The following CXCL11 variants were observed in gnomAD, a reference collection of about 807,000 sequenced individuals.
The protein encoded by CXCL11 is C-X-C motif chemokine 11.
In CXCL11, 7 loss-of-function variants were observed where a neutral mutation model predicts 9.7. That is an observed-to-expected ratio of 0.72 (90% CI 0.41 to 1.36). CXCL11 has a LOEUF of 1.36. CXCL11 is among the 40% of genes most tolerant of loss of function. The pLI is 0.01. For synonymous variants in CXCL11, 35 were observed against 34.4 expected, an observed-to-expected ratio of 1.02 and a Z score of -0.06; for missense variants, 107 against 113.4, an observed-to-expected ratio of 0.94 and a Z score of 0.26.
In CXCL11 at chr4:76,034,556, G is replaced by T; in HGVS notation, c.*237C>A. 7.8e-6 allele frequency: 4 copies of T among 514,792 alleles called. No individual in the cohort carries two copies. Among genetic ancestry groups the T allele is most frequent in the South Asian group, 3.3e-5 (1 of 29,966 alleles). The allele number at this position is 514,792 out of a possible 1,614,324, so 31.9% of individuals were successfully genotyped here. On this transcript the variant is annotated 3_prime_UTR_variant, in exon 4 of 4. Coordinates refer to ENST00000306621, the MANE Select transcript of CXCL11 (RefSeq NM_005409.5). ...TTCCTAGAAATCCATTTAATTGTTG[G>T]ACTCCTTTGGGCAGTGGAATTCTGA... is the stretch of plus-strand genomic sequence containing the variant.
At position 76,035,073 on chromosome 4, in the gene CXCL11, AT is replaced by A. The variant is rs1332316589; in HGVS notation, c.234del (p.Lys78AsnfsTer8). 1.9e-6 allele frequency: 3 copies of A among 1,613,904 alleles called. No individual in the cohort carries two copies. In the South Asian group the frequency reaches 3.3e-5, roughly 18 times the overall value. ...TTGATTATAAGCCTTGCTTGCTTCG[AT>A]TTGGGATTTAGGCATCGTTGTCCTT... is the stretch of plus-strand genomic sequence containing the variant. ...ENKGQRCLNP[K>X]SKQARLIIKK... On this transcript the variant is annotated frameshift_variant, in exon 3 of 4. Coordinates refer to ENST00000306621, the MANE Select transcript of CXCL11 (RefSeq NM_005409.5). LOFTEE classifies it high-confidence loss of function.
rs576968993 is a variant in CXCL11, at chr4:76,035,577, G to A, written c.62-235C>T. On this transcript the variant is annotated intron_variant, in intron 1 of 3. Coordinates refer to ENST00000306621, the MANE Select transcript of CXCL11 (RefSeq NM_005409.5). ...GAAGCATGAAGGAAGTTTATTGGAG[G>A]TGAAGCTTGTTTTGCCCCCTTGATT... is the stretch of plus-strand genomic sequence containing the variant. Among the ~76,000 whole-genome samples, 3 of 152,344 alleles carry A rather than the reference G, an allele frequency of 2.0e-5. No homozygotes were observed. In the East Asian group the frequency reaches 5.8e-4, roughly 29 times the overall value.
At position 76,033,749 on chromosome 4, in the gene CXCL11, T is replaced by C. The variant is rs1473141926; in HGVS notation, c.*1044A>G. ...AAATGACTTTGATTCTTTAAACTAG[T>C]CTTGAGTATACCTAAATTTTACAGT... On this transcript the variant is annotated 3_prime_UTR_variant, in exon 4 of 4. Transcript: ENST00000306621. The C allele has an allele frequency of 6.6e-6, 1 of 152,206 alleles. No individual in the cohort carries two copies. The highest frequency in any genetic ancestry group is 1.5e-5 in the Non-Finnish European group (1 of 68,040). The allele number at this position is 152,206 out of a possible 1,614,324, so 9.4% of individuals were successfully genotyped here.
rs1734081170 is a variant in CXCL11, at chr4:76,033,693, A to C, written c.*1100T>G. The C allele has an allele frequency of 6.6e-6, 1 of 152,204 alleles. No homozygotes were observed. Among genetic ancestry groups the C allele is most frequent in the South Asian group, 2.1e-4 (1 of 4,832 alleles). 9.4% of individuals were successfully genotyped at this position (152,204 alleles called of 1,614,324 possible). ...AAAGTATATAGATCTTTTTTTAAAA[A>C]AGAAAGGTTGTGGTAGTTTATTAGA... On this transcript the variant is annotated 3_prime_UTR_variant, in exon 4 of 4. Transcript: ENST00000306621.
rs745673708 is a variant in CXCL11 at position 76,035,335 on chromosome 4, G to A, written c.69C>T (p.Pro23=). 1.5e-5 allele frequency: 25 copies of A among 1,613,758 alleles called. No individual in the cohort carries two copies. Among genetic ancestry groups the A allele is most frequent in the Non-Finnish European group, 2.0e-5 (24 of 1,179,850 alleles). The part of the protein sequence containing the change: ...ILCATVVQGF[P]MFKRGRCLCI... ...AAAGACAGCGTCCTCTTTTGAACAT[G>A]GGGAAGCCTAGAATAGATCATAGCA... is the stretch of plus-strand genomic sequence containing the variant. Residue 23 remains proline, a synonymous_variant, in exon 2 of 4, where the codon CCC becomes CCT. Coordinates refer to ENST00000306621, the MANE Select transcript of CXCL11 (RefSeq NM_005409.5).
chr4:76,035,933 C>A lies in CXCL11; in HGVS notation c.55G>T (p.Val19Phe). The change falls in exon 1 of 4, where the codon GTT becomes TTT. Residue 19 changes from valine (V) to phenylalanine (F), a missense_variant. By Grantham distance (50) the Val-to-Phe change is conservative. Coordinates refer to ENST00000306621, the MANE Select transcript of CXCL11 (RefSeq NM_005409.5). ...ALAVILCATV[V>F]QGFPMFKRGR... is the part of the protein sequence containing the mutation. ...AATAAAAATTACTGCATACCTTGAA[C>A]AACTGTAGCACACAATATCACAGCC... 1 of 1,613,078 alleles carries A rather than the reference C, an allele frequency of 6.2e-7. No individual in the cohort carries two copies. Among genetic ancestry groups the A allele is most frequent in the South Asian group, 1.1e-5 (1 of 90,802 alleles).
In CXCL11 at chr4:76,034,491, T is replaced by C. The variant is rs919814411; in HGVS notation, c.*302A>G. On this transcript the variant is annotated 3_prime_UTR_variant, in exon 4 of 4. Coordinates refer to ENST00000306621, the MANE Select transcript of CXCL11 (RefSeq NM_005409.5). Reference sequence around the variant, plus strand: ...AACAAGTAAGAACGTGAAAGCACTTTGTAAACTCCGATGGTAACCAGCCTT... The same window carrying C: ...AACAAGTAAGAACGTGAAAGCACTTCGTAAACTCCGATGGTAACCAGCCTT... The C allele has an allele frequency of 1.7e-5, 9 of 518,434 alleles. No homozygotes were observed. The highest frequency in any genetic ancestry group is 1.6e-4 in the African/African-American group (8 of 49,520). The allele number at this position is 518,434 out of a possible 1,614,324, so 32.1% of individuals were successfully genotyped here. A position where few individuals can be genotyped will look rare whatever the true frequency, so the allele number is the denominator to read the frequency against.
Position 76,035,944 on chromosome 4 carries a change from C to T in CXCL11, c.44G>A (p.Cys15Tyr). 1.2e-6 allele frequency: 2 copies of T among 1,613,712 alleles called. No homozygotes were observed. Among genetic ancestry groups the T allele is most frequent in the Non-Finnish European group, 1.7e-6 (2 of 1,179,786 alleles). The change falls in exon 1 of 4, where the codon TGT (cysteine) becomes TAT (tyrosine). Residue 15 changes from cysteine to tyrosine, a missense_variant. Cys to Tyr is a radical substitution (Grantham distance 194). Transcript: ENST00000306621. ...GMAIALAVIL[C>Y]ATVVQGFPMF... is the part of the protein sequence containing the mutation. ...CTGCATACCTTGAACAACTGTAGCACACAATATCACAGCCAAGGCTATAGC... is the reference window on the plus strand; with the variant it reads ...CTGCATACCTTGAACAACTGTAGCATACAATATCACAGCCAAGGCTATAGC...
chr4:76,034,408 G>A lies in CXCL11; in HGVS notation c.*385C>T. ...ATGTTCTCATAGTCACAACAGAATA[G>A]TTGTAAGCATCAAATCTAGAAGGTT... is the stretch of plus-strand genomic sequence containing the variant. On this transcript the variant is annotated 3_prime_UTR_variant, in exon 4 of 4. Transcript: ENST00000306621. 2.1e-6 allele frequency: 1 copy of A among 469,142 alleles called. No individual in the cohort carries two copies. The highest frequency in any genetic ancestry group is 3.7e-6 in the Non-Finnish European group (1 of 272,746). The allele number at this position is 469,142 out of a possible 1,614,324, so 29.1% of individuals were successfully genotyped here.
rs1327557155 is a variant in CXCL11 at position 76,035,341 on chromosome 4, G to A, written c.63C>T (p.Gly21=). Residue 21 remains glycine, a splice_region_variant and synonymous_variant, in exon 2 of 4, where the codon GGC becomes GGT. Coordinates refer to ENST00000306621, the MANE Select transcript of CXCL11 (RefSeq NM_005409.5). ...AVILCATVVQ[G]FPMFKRGRCL... is the part of the protein sequence containing the mutation. ...AGCGTCCTCTTTTGAACATGGGGAA[G>A]CCTAGAATAGATCATAGCATTAGTT... 3 of 1,613,720 alleles carry A rather than the reference G, an allele frequency of 1.9e-6. No homozygotes were observed. Among genetic ancestry groups the A allele is most frequent in the Non-Finnish European group, 2.5e-6 (3 of 1,179,756 alleles).
At position 76,034,818 on chromosome 4, in the gene CXCL11, T is replaced by C; in HGVS notation, c.262-2A>G. The C allele has an allele frequency of 6.4e-7, 1 of 1,554,392 alleles. No individual in the cohort carries two copies. Among genetic ancestry groups the C allele is most frequent in the Non-Finnish European group, 8.8e-7 (1 of 1,130,036 alleles). On this transcript the variant is annotated splice_acceptor_variant, in intron 3 of 3. Coordinates refer to ENST00000306621, the MANE Select transcript of CXCL11 (RefSeq NM_005409.5). LOFTEE classifies it high-confidence loss of function. Reference sequence around the variant, plus strand: ...TTAAAAATTCTTTCTTTCAACTTTCTGGAATAAGAAAACAAGAGTTTTATT... The same window carrying C: ...TTAAAAATTCTTTCTTTCAACTTTCCGGAATAAGAAAACAAGAGTTTTATT...
Position 76,034,602 on chromosome 4 carries a change from C to T in CXCL11, c.*191G>A. The T allele has an allele frequency of 1.6e-6, 1 of 607,574 alleles. No individual in the cohort carries two copies. The highest frequency in any genetic ancestry group is 2.9e-6 in the Non-Finnish European group (1 of 348,398). The allele number at this position is 607,574 out of a possible 1,614,324, so 37.6% of individuals were successfully genotyped here. ...TCTGATTGTCATTCATTCAGGAAGA[C>T]TGTATTTCTGTTTTTGGTCCTTTCA... On this transcript the variant is annotated 3_prime_UTR_variant, in exon 4 of 4. Transcript: ENST00000306621.
chr4:76,035,412 G>T, intron 1 of CXCL11, 70 bp from the exon 2 acceptor site: 1 of 1,519,838 alleles, frequency 6.6e-7, no homozygotes, highest in Non-Finnish European at 9.0e-7. Context: ...TATAGCTGGT[G>T]GTGAACGTGA....
In CXCL11 at chr4:76,035,347, A is replaced by T; in HGVS notation, c.62-5T>A. ...CTCTTTTGAACATGGGGAAGCCTAG[A>T]ATAGATCATAGCATTAGTTAGTAAT... On this transcript the variant is annotated splice_polypyrimidine_tract_variant and splice_region_variant and intron_variant, in intron 1 of 3. Transcript: ENST00000306621. 4 of 1,613,538 alleles carry T rather than the reference A, an allele frequency of 2.5e-6. No homozygotes were observed. The highest frequency in any genetic ancestry group is 3.4e-6 in the Non-Finnish European group (4 of 1,179,682).
Position 76,034,396 on chromosome 4 carries a change from C to T in CXCL11, c.*397G>A, listed in dbSNP as rs1224156429. 14 of 445,862 alleles carry T rather than the reference C, an allele frequency of 3.1e-5. No homozygotes were observed. In the East Asian group the frequency reaches 4.6e-4, roughly 15 times the overall value. The allele number at this position is 445,862 out of a possible 1,614,324, so 27.6% of individuals were successfully genotyped here. A position where few individuals can be genotyped will look rare whatever the true frequency, so the allele number is the denominator to read the frequency against. On this transcript the variant is annotated 3_prime_UTR_variant, in exon 4 of 4. Transcript: ENST00000306621. Reference sequence around the variant, plus strand: ...CTAGAGACAGAAATGTTCTCATAGTCACAACAGAATAGTTGTAAGCATCAA... The same window carrying T: ...CTAGAGACAGAAATGTTCTCATAGTTACAACAGAATAGTTGTAAGCATCAA...
rs1368060490 is a variant in CXCL11, at chr4:76,034,561, C to A, written c.*232G>T. ...AGAAATCCATTTAATTGTTGGACTC[C>A]TTTGGGCAGTGGAATTCTGATTGTC... On this transcript the variant is annotated 3_prime_UTR_variant, in exon 4 of 4. Coordinates refer to ENST00000306621, the MANE Select transcript of CXCL11 (RefSeq NM_005409.5). The A allele has an allele frequency of 7.0e-6, 4 of 571,554 alleles. No homozygotes were observed. The highest frequency in any genetic ancestry group is 5.9e-5 in the African/African-American group (3 of 50,812). The allele number at this position is 571,554 out of a possible 1,614,324, so 35.4% of individuals were successfully genotyped here.
intron 3 of CXCL11, 98 bp downstream of exon 3, chr4:76,034,949 T>C (rs904772529): frequency 7.1e-5 from 98 of 1,376,778 alleles, no homozygotes; most frequent in Non-Finnish European, 9.9e-5. Context: ...CACAGGATCA[T>C]AGCAGAATCT....
intron 1 of CXCL11, 33 bp downstream of exon 1, chr4:76,035,894 C>T (rs1460107279): frequency 1.9e-6 from 3 of 1,588,718 alleles, no homozygotes; most frequent in South Asian, 1.1e-5. Flanking sequence ...AGAAAAGGAA[C>T]TTATAGGTTG....
At position 76,034,744 on chromosome 4, in the gene CXCL11, C is replaced by G; in HGVS notation, c.*49G>C. ...TTCAGTAGTCACAGTTAAACTTGTT[C>G]TAGGTTTTTCAGATGCTCTTTTCCA... On this transcript the variant is annotated 3_prime_UTR_variant, in exon 4 of 4. Transcript: ENST00000306621. 1.5e-6 allele frequency: 2 copies of G among 1,359,754 alleles called. No homozygotes were observed. Among genetic ancestry groups the G allele is most frequent in the South Asian group, 1.2e-5 (1 of 81,434 alleles). The allele number at this position is 1,359,754 out of a possible 1,614,324, so 84.2% of individuals were successfully genotyped here. A position where few individuals can be genotyped will look rare whatever the true frequency, so the allele number is the denominator to read the frequency against.
Sources: allele counts gnomAD v4.1 joint callset (sites outside exome capture counted in the v4.1 genomes callset), GRCh38; gene constraint gnomAD v4.1.1; transcripts MANE v1.5; gene names NCBI Gene and HGNC (gene_info 2026-07-23, HGNC 2026-07-21).